The following CAPN5 variants were observed in gnomAD, a reference collection of about 807,000 sequenced individuals.
CAPN5 encodes the protein calpain 5, also known as calpain-5.
Under a neutral mutation model 73.0 loss-of-function variants are expected in CAPN5, and 54 were observed. The observed-to-expected ratio is 0.74, with a 90% CI of 0.59 to 0.93. The LOEUF is 0.93. CAPN5 is among the 40% of genes least tolerant of loss of function. The probability of loss-of-function intolerance (pLI) is 0.00; values close to 1 mark genes in which losing one functional copy is unlikely to be tolerated. For missense variants in CAPN5, 785 were observed against 882.9 expected (o/e 0.89, Z 1.41); for synonymous variants, 335 against 356.9 (o/e 0.94, Z 0.69).
intron 3 of CAPN5, among the ~76,000 whole-genome samples, chr11:77,112,376 C>A (rs1367153622): frequency 1.3e-5 from 2 of 151,970 alleles, no homozygotes; most frequent in Admixed American, 6.5e-5. Flanking sequence ...GGAAGGAGGC[C>A]GAGGGAGCCT....
intron 11 of CAPN5, 45 bp from the exon 12 acceptor site, chr11:77,122,531 G>GCCCCCCCCCCCCCCCCCCCCCCCC: frequency 1.6e-6 from 2 of 1,228,396 alleles, no homozygotes; most frequent in Non-Finnish European, 2.3e-6. Flanking sequence ...CCCTGCCACA[G>GCCCCCCCCCCCCCCCCCCCCCCCC]CCCCCACCCC....
chr11:77,070,972 C>T (rs1378255538), intron 1 of CAPN5, among the ~76,000 whole-genome samples: 4 of 152,206 alleles, frequency 2.6e-5, no homozygotes, highest in African/African-American at 9.7e-5. Context: ...AGATCGTCTC[C>T]CTGTCTCAAA....
At position 77,119,157 on chromosome 11, in the gene CAPN5, GGCCAGCCGGGTC is replaced by G. The variant is rs1950498245; in HGVS notation, c.1290+6_1290+17del. Reference sequence around the variant, plus strand: ...ATTGGCTTTGACATCTACAAGGTGAGGCCAGCCGGGTCCCCTGCCGTGGGTGGGGAGAGGGAG... The same window carrying G: ...ATTGGCTTTGACATCTACAAGGTGAGCCCTGCCGTGGGTGGGGAGAGGGAG... On this transcript the variant is annotated splice_donor_region_variant and intron_variant, in intron 9 of 12. Transcript: ENST00000648180. 1.9e-6 allele frequency: 3 copies of G among 1,606,244 alleles called. No homozygotes were observed. The African/African-American group carries it at 4.0e-5, about 21-fold the overall frequency.
intron 10 of CAPN5, 40 bp downstream of exon 10, chr11:77,120,949 G>T: frequency 6.3e-7 from 1 of 1,575,992 alleles, no homozygotes; most frequent in Non-Finnish European, 8.7e-7. Flanking sequence ...GGGTGGGAGT[G>T]ACATTCACAC....
chr11:77,078,735 T>C (rs1218786993), intron 1 of CAPN5, among the ~76,000 whole-genome samples: 3 of 152,116 alleles, frequency 2.0e-5, no homozygotes, highest in African/African-American at 7.2e-5. Flanking sequence ...TTCCATTTAT[T>C]TGTGTCTTCA....
chr11:77,114,684 A>T (rs1381050691), intron 5 of CAPN5, among the ~76,000 whole-genome samples: 4 of 152,150 alleles, frequency 2.6e-5, no homozygotes, highest in African/African-American at 7.2e-5. Context: ...TGTGCATCTG[A>T]GGGTGGTCCT....
chr11:77,107,272 C>A (rs1188361636), intron 3 of CAPN5, among the ~76,000 whole-genome samples: 2 of 152,202 alleles, frequency 1.3e-5, no homozygotes, highest in East Asian at 3.9e-4. Context: ...TGAGGACTCA[C>A]AAAGGCCCGT....
At position 77,115,713 on chromosome 11, in the gene CAPN5, A is replaced by G; in HGVS notation, c.893+125A>G. 4.2e-6 allele frequency: 3 copies of G among 716,508 alleles called. No individual in the cohort carries two copies. The South Asian group carries it at 5.5e-5, about 13-fold the overall frequency. 44.4% of individuals were successfully genotyped at this position (716,508 alleles called of 1,614,324 possible). ...GATCTGGGGGAGGATGACACTAGGA[A>G]CGAAGAAGGGAGAATTACTTTGCAG... On this transcript the variant is annotated intron_variant, in intron 6 of 12. Coordinates refer to ENST00000648180, the MANE Select transcript of CAPN5 (RefSeq NM_004055.5).
intron 4 of CAPN5, among the ~76,000 whole-genome samples, chr11:77,113,137 G>A (rs1950428840): frequency 6.6e-6 from 1 of 152,218 alleles, no homozygotes; most frequent in Non-Finnish European, 1.5e-5. Context: ...CCCTGCCTGG[G>A]GCCTTGGTTG....
rs548612988 is a variant in CAPN5, at chr11:77,105,054, G to A, written c.298-7535G>A. ...CTGAGCACGAGGGGAGGCCAGAACC[G>A]TGTGCAGTGGCCCTGCCCTTCTGCT... On this transcript the variant is annotated intron_variant, in intron 3 of 12. Coordinates refer to ENST00000648180, the MANE Select transcript of CAPN5 (RefSeq NM_004055.5). Among the ~76,000 whole-genome samples the A allele has an allele frequency of 9.9e-5, 15 of 151,940 alleles. No individual in the cohort carries two copies. In the South Asian group the frequency reaches 1.7e-3, roughly 17 times the overall value.
chr11:77,084,915 A>G lies in CAPN5; in HGVS notation c.29A>G (p.Asp10Gly), dbSNP rs200999258. 3.6e-5 allele frequency: 58 copies of G among 1,613,908 alleles called. No homozygotes were observed. The Admixed American group carries it at 8.7e-4, about 24-fold the overall frequency. ...TTCTCGTGTGTGAAGCCCTATGAGG[A>G]CCAGAACTACTCAGCCCTGAGGCGG... Reference protein sequence around the residue: MFSCVKPYEDQNYSALRRDC... With the variant: MFSCVKPYEGQNYSALRRDC... Residue 10 changes from aspartate (D) to glycine (G), a missense_variant, in exon 2 of 13, where the codon GAC becomes GGC. Coordinates refer to ENST00000648180, the MANE Select transcript of CAPN5 (RefSeq NM_004055.5).
At chr11:77,087,932 T>A (rs1555035814) in intron 2 of CAPN5, 1 of 1,536,070 alleles carries the variant, frequency 6.5e-7, no homozygotes. Flanking sequence ...TATGTTTTTG[T>A]TCTTTCCAGT....
chr11:77,125,823 A>C lies in CAPN5; in HGVS notation c.*1953A>C, dbSNP rs1228713168. 2.6e-5 allele frequency: 4 copies of C among 152,406 alleles called. No individual in the cohort carries two copies. The highest frequency in any genetic ancestry group is 9.7e-5 in the African/African-American group (4 of 41,402). The allele number at this position is 152,406 out of a possible 1,614,324, so 9.4% of individuals were successfully genotyped here. A position where few individuals can be genotyped will look rare whatever the true frequency, so the allele number is the denominator to read the frequency against. On this transcript the variant is annotated 3_prime_UTR_variant, in exon 13 of 13. Transcript: ENST00000648180. ...TGGGCTTCAGCCTCGGGGCCGGGGC[A>C]TGCCTGCCACCCCCTGACAAAAACA... is the stretch of plus-strand genomic sequence containing the variant.
intron 1 of CAPN5, among the ~76,000 whole-genome samples, chr11:77,071,124 C>G (rs1446941487): frequency 1.3e-5 from 2 of 152,218 alleles, no homozygotes; most frequent in African/African-American, 2.4e-5. Flanking sequence ...GCACCATTCC[C>G]AGCTCCCGCC....
At chr11:77,090,401 A>G (rs2135431251) in intron 2 of CAPN5, among the ~76,000 whole-genome samples, 1 of 152,356 alleles carries the variant, frequency 6.6e-6, no homozygotes, top group East Asian at 1.9e-4. Flanking sequence ...GTCTGGGGCC[A>G]GAGCCCTGAT....
chr11:77,067,409 G>A (rs942251143), intron 1 of CAPN5, among the ~76,000 whole-genome samples: 7 of 152,042 alleles, frequency 4.6e-5, no homozygotes, highest in Non-Finnish European at 1.0e-4. Context: ...AACACCCGGG[G>A]CTAGACTGTC....
intron 3 of CAPN5, among the ~76,000 whole-genome samples, chr11:77,107,785 G>A (rs1565272758): frequency 6.6e-6 from 1 of 152,324 alleles, no homozygotes; most frequent in Non-Finnish European, 1.5e-5. Flanking sequence ...GTAAAGCCTC[G>A]TAAGCATGCA....
chr11:77,122,436 G>A (rs1950529572), intron 11 of CAPN5, 140 bp from the exon 12 acceptor site: 9 of 718,180 alleles, frequency 1.3e-5, no homozygotes, highest in South Asian at 3.6e-5. Context: ...CTCTGGAAAC[G>A]AAGGGGCCCT....
chr11:77,071,802 G>A (rs547946647), intron 1 of CAPN5: 2 of 377,596 alleles, frequency 5.3e-6, no homozygotes, highest in African/African-American at 4.1e-5. Context: ...GAAGTGGCTT[G>A]GAGCAGTGCA....
Sources: gnomAD v4.1 joint callset for allele counts (sites outside exome capture counted in the v4.1 genomes callset) on GRCh38, gnomAD v4.1.1 for gene constraint, MANE v1.5 for transcripts, NCBI Gene and HGNC (gene_info 2026-07-23, HGNC 2026-07-21) for gene names.